CASD1: variants seen among roughly 807,000 people sequenced by gnomAD.
CASD1 encodes CAS1 domain sialic acid O acetyltransferase 1.
A neutral mutation model predicts 100.0 loss-of-function variants in CASD1; 41 were observed. That is an observed-to-expected ratio of 0.41 (90% confidence interval 0.32 to 0.53). The LOEUF (loss-of-function observed/expected upper bound fraction) is 0.53, where lower values mean the gene tolerates loss of function less well. CASD1 is among the 20% of genes least tolerant of loss of function. The pLI is 0.25. For missense variants in CASD1, 774 were observed against 948.7 expected, an observed-to-expected ratio of 0.82 and a Z score of 2.42; for synonymous variants, 321 against 315.6, an observed-to-expected ratio of 1.02 and a Z score of -0.18.
chr7:94,533,171 TATA>T lies in CASD1; in HGVS notation c.460-30_460-28del, dbSNP rs757456032. 5 of 1,550,352 alleles carry T rather than the reference TATA, an allele frequency of 3.2e-6. No individual in the cohort carries two copies. The South Asian group carries it at 4.5e-5, about 14-fold the overall frequency. On this transcript the variant is annotated intron_variant, in intron 5 of 17. Transcript: ENST00000297273. ...ACTTGTAGTAATTCCCTGAACTGATTATAATACTATGATAAAGATTTGTCTTCC... is the reference window on the plus strand; with the variant it reads ...ACTTGTAGTAATTCCCTGAACTGATTATACTATGATAAAGATTTGTCTTCC...
At chr7:94,520,326 G>A (rs1168934209) in intron 3 of CASD1, among the ~76,000 whole-genome samples, 1 of 152,192 alleles carries the variant, frequency 6.6e-6, no homozygotes, top group African/African-American at 2.4e-5. Flanking sequence ...GTATGGGTAT[G>A]TCTGGGTAGA....
chr7:94,512,345 C>G (rs1488996469), intron 1 of CASD1, among the ~76,000 whole-genome samples: 3 of 152,172 alleles, frequency 2.0e-5, no homozygotes, highest in Non-Finnish European at 4.4e-5. Flanking sequence ...TCCAGCAGCC[C>G]AGGCCATGGC....
At chr7:94,561,056 G>A (rs934384104), downstream of CASD1, among the ~76,000 whole-genome samples, 1 of 152,056 alleles carries the variant, frequency 6.6e-6, no homozygotes, top group African/African-American at 2.4e-5. Context: ...GACCAGCCTG[G>A]CCAATATGGC....
At position 94,519,166 on chromosome 7, in the gene CASD1, T is replaced by C. The variant is rs1024660558; in HGVS notation, c.351+843T>C. Among the ~76,000 whole-genome samples, 11 of 152,184 alleles carry C rather than the reference T, an allele frequency of 7.2e-5. 1 individual carries two copies. Among genetic ancestry groups the C allele is most frequent in the Non-Finnish European group, 1.5e-5 (1 of 68,018 alleles). On this transcript the variant is annotated intron_variant, in intron 3 of 17. Coordinates refer to ENST00000297273, the MANE Select transcript of CASD1 (RefSeq NM_022900.5). ...AATTTCTCGTTTAAAAATATAACTT[T>C]GAAAACTAACAAGGATTAATTTCTT... is the stretch of plus-strand genomic sequence containing the variant.
At chr7:94,535,795 A>G (rs1242658973) in intron 8 of CASD1, among the ~76,000 whole-genome samples, 1 of 152,206 alleles carries the variant, frequency 6.6e-6, no homozygotes, top group Non-Finnish European at 1.5e-5. Flanking sequence ...CTGTTAATAT[A>G]CATTGTCTCC....
the CASD1 span, among the ~76,000 whole-genome samples, chr7:94,633,203 A>T: frequency 1.3e-5 from 2 of 151,968 alleles, no homozygotes; most frequent in Admixed American, 1.3e-4. Context: ...GAAACTGGAA[A>T]ACTATGGGTG....
chr7:94,556,235 TTGTTTTCTTA>T lies in CASD1; in HGVS notation c.*479_*488del. 6.5e-6 allele frequency: 1 copy of T among 154,796 alleles called. No homozygotes were observed. The highest frequency in any genetic ancestry group is 1.4e-5 in the Non-Finnish European group (1 of 69,732). The allele number at this position is 154,796 out of a possible 1,614,324, so 9.6% of individuals were successfully genotyped here. A position where few individuals can be genotyped will look rare whatever the true frequency, so the allele number is the denominator to read the frequency against. On this transcript the variant is annotated 3_prime_UTR_variant, in exon 18 of 18. Transcript: ENST00000297273. ...TTCTTACTCAAGAATGACGGCAGTATTGTTTTCTTATATGTGCAATGAAGTGGAATGATAA... is the reference window on the plus strand; with the variant it reads ...TTCTTACTCAAGAATGACGGCAGTATTATGTGCAATGAAGTGGAATGATAA...
At chr7:94,523,489 A>AT (rs1794394447) in intron 3 of CASD1, among the ~76,000 whole-genome samples, 1 of 152,232 alleles carries the variant, frequency 6.6e-6, no homozygotes, top group African/African-American at 2.4e-5. Flanking sequence ...TTACATAGGA[A>AT]TAAACAGCAA....
the CASD1 span, among the ~76,000 whole-genome samples, chr7:94,591,663 G>A: frequency 5.3e-5 from 8 of 152,080 alleles, no homozygotes; most frequent in African/African-American, 1.9e-4. Context: ...TGACCTTTCT[G>A]TGGAATTTAG....
the CASD1 span, among the ~76,000 whole-genome samples, chr7:94,601,476 A>AAAAC: frequency 1.4e-4 from 19 of 134,948 alleles, no homozygotes; most frequent in Non-Finnish European, 3.1e-4. Flanking sequence ...AAAAAAAAAA[A>AAAAC]CTACAACAGT....
In CASD1 at chr7:94,545,685, C is replaced by A. The variant is rs1206471408; in HGVS notation, c.1617C>A (p.Ile539=). The change falls in exon 12 of 18, where the codon ATC becomes ATA. Residue 539 remains isoleucine (I), a synonymous_variant. Coordinates refer to ENST00000297273, the MANE Select transcript of CASD1 (RefSeq NM_022900.5). ...YVTLALWPQI[I]QKKANGNCFW... ...CTTTAGCACTATGGCCACAAATAAT[C>A]CAAAAAAAAGCAAACGGTAAATATA... is the stretch of plus-strand genomic sequence containing the variant. 7 of 1,584,840 alleles carry A rather than the reference C, an allele frequency of 4.4e-6. No individual in the cohort carries two copies. In the Admixed American group the frequency reaches 5.4e-5, roughly 12 times the overall value.
At chr7:94,529,219 A>G (rs1000895626) in intron 5 of CASD1, among the ~76,000 whole-genome samples, 3 of 152,182 alleles carry the variant, frequency 2.0e-5, no homozygotes, top group African/African-American at 7.2e-5. Flanking sequence ...ATTTAAGCAT[A>G]TGTTTCATAT....
chr7:94,510,905 T>C (rs1004607643), intron 1 of CASD1, among the ~76,000 whole-genome samples: 1 of 152,236 alleles, frequency 6.6e-6, no homozygotes, highest in Non-Finnish European at 1.5e-5. Context: ...AGCAGATTTT[T>C]GGAAGGAAGT....
the CASD1 span, chr7:94,587,782 A>C: frequency 4.5e-6 from 7 of 1,547,978 alleles, no homozygotes; most frequent in African/African-American, 5.5e-5. Context: ...ACTTGCCTCA[A>C]ATCTTTGAAA....
At chr7:94,579,781 G>C in the CASD1 span, among the ~76,000 whole-genome samples, 1 of 152,130 alleles carries the variant, frequency 6.6e-6, no homozygotes, top group African/African-American at 2.4e-5. Context: ...GCACCAGTCC[G>C]AACCTCTACT....
the CASD1 span, chr7:94,623,389 G>A: frequency 1.0e-5 from 16 of 1,598,190 alleles, no homozygotes; most frequent in Non-Finnish European, 1.4e-5. Flanking sequence ...GCCTGTTGTA[G>A]GCAGTTATCT....
intron 1 of CASD1, among the ~76,000 whole-genome samples, chr7:94,516,626 C>A (rs1302686748): frequency 6.6e-6 from 1 of 152,040 alleles, no homozygotes; most frequent in Non-Finnish European, 1.5e-5. Context: ...TCTGCCCCCC[C>A]ACACACCCCC....
intron 7 of CASD1, among the ~76,000 whole-genome samples, chr7:94,534,286 C>T (rs1226999288): frequency 6.6e-6 from 1 of 151,470 alleles, no homozygotes; most frequent in Admixed American, 6.6e-5. Flanking sequence ...TCCGCCTCAG[C>T]CTCCTGAGTA....
the CASD1 span, chr7:94,623,512 T>A: frequency 2.8e-6 from 2 of 723,168 alleles, no homozygotes; most frequent in Non-Finnish European, 4.8e-6. Flanking sequence ...TATTTGTTGA[T>A]ATACTTACAA....
Sources: gnomAD v4.1 joint callset for allele counts (sites outside exome capture counted in the v4.1 genomes callset) on GRCh38, gnomAD v4.1.1 for gene constraint, MANE v1.5 for transcripts, NCBI Gene and HGNC (gene_info 2026-07-23, HGNC 2026-07-21) for gene names.